The following CNTN5 variants were observed in gnomAD, a reference collection of about 807,000 sequenced individuals.
The protein encoded by CNTN5 is contactin 5.
A neutral mutation model predicts 129.1 loss-of-function variants in CNTN5; 77 were observed. That is an observed-to-expected ratio of 0.60 (90% CI 0.50 to 0.72). The LOEUF is 0.72. Ranked by LOEUF, CNTN5 falls within the 30% of genes least tolerant of loss-of-function variation. CNTN5 has a pLI of 0.00. For synonymous variants in CNTN5, 509 were observed against 465.6 expected, an observed-to-expected ratio of 1.09 and a Z score of -1.20; for missense variants, 1,478 against 1,328.8, an observed-to-expected ratio of 1.11 and a Z score of -1.75.
At chr11:100,283,389 G>A (rs1283048343) in intron 18 of CNTN5, among the ~76,000 whole-genome samples, 1 of 152,116 alleles carries the variant, frequency 6.6e-6, no homozygotes, top group African/African-American at 2.4e-5. Flanking sequence ...TGTGCAGCCT[G>A]GACTTAGGAA....
rs1262695286 is a variant in CNTN5 at position 99,966,226 on chromosome 11, C to T, written c.877+9217C>T. Among the ~76,000 whole-genome samples the T allele has an allele frequency of 3.9e-5, 6 of 152,254 alleles. No homozygotes were observed. The South Asian group carries it at 1.2e-3, about 32-fold the overall frequency. On this transcript the variant is annotated intron_variant, in intron 8 of 24. Transcript: ENST00000524871. Reference sequence around the variant, plus strand: ...GACATATGCAAAGGCAGTATTTTTCCTTTCAAGTAGAAATTGAATTTTACT... The same window carrying T: ...GACATATGCAAAGGCAGTATTTTTCTTTTCAAGTAGAAATTGAATTTTACT...
At chr11:99,669,489 T>C (rs1211430366) in intron 3 of CNTN5, among the ~76,000 whole-genome samples, 3 of 151,806 alleles carry the variant, frequency 2.0e-5, no homozygotes, top group Non-Finnish European at 4.4e-5. Flanking sequence ...TGTATACATA[T>C]ATACACATAT....
intron 3 of CNTN5, among the ~76,000 whole-genome samples, chr11:99,646,757 G>C (rs542102737): frequency 4.3e-4 from 57 of 131,986 alleles, no homozygotes; most frequent in Middle Eastern, 4.3e-3. Context: ...TGTGATAAAA[G>C]ACTGAACAAA....
At chr11:100,333,929 T>C (rs1318962245) in intron 21 of CNTN5, among the ~76,000 whole-genome samples, 1 of 151,948 alleles carries the variant, frequency 6.6e-6, no homozygotes, top group African/African-American at 2.4e-5. Flanking sequence ...CAAAGATAAA[T>C]AGATGGGACT....
intron 1 of CNTN5, among the ~76,000 whole-genome samples, chr11:99,044,828 A>T (rs887814544): frequency 1.3e-5 from 2 of 152,160 alleles, no homozygotes; most frequent in African/African-American, 4.8e-5. Flanking sequence ...CTTATGGGGA[A>T]ATTTTACACG....
In CNTN5 at chr11:100,340,762, T is replaced by C. The variant is rs1471796920; in HGVS notation, c.2917+113T>C. ...AGAGTCAAAGGGGAGTTTTGATTCA[T>C]AGTCTTGCTTCAGTGCTTAGATCTG... On this transcript the variant is annotated intron_variant, in intron 22 of 24. Transcript: ENST00000524871. 4 of 947,536 alleles carry C rather than the reference T, an allele frequency of 4.2e-6. No homozygotes were observed. In the East Asian group the frequency reaches 8.0e-5, roughly 19 times the overall value. 58.7% of individuals were successfully genotyped at this position (947,536 alleles called of 1,614,324 possible). A position where few individuals can be genotyped will look rare whatever the true frequency, so the allele number is the denominator to read the frequency against.
At chr11:99,656,261 T>C (rs1356758995) in intron 3 of CNTN5, among the ~76,000 whole-genome samples, 1 of 152,176 alleles carries the variant, frequency 6.6e-6, no homozygotes, top group Non-Finnish European at 1.5e-5. Flanking sequence ...AATAAGCTTT[T>C]GGCATATTAA....
intron 16 of CNTN5, among the ~76,000 whole-genome samples, chr11:100,253,897 T>C (rs1950018528): frequency 6.6e-6 from 1 of 151,778 alleles, no homozygotes; most frequent in Non-Finnish European, 1.5e-5. Context: ...AATCTGTCAA[T>C]TTTCTCTTGC....
chr11:100,079,812 T>A (rs574362237), intron 13 of CNTN5, among the ~76,000 whole-genome samples: 1 of 152,190 alleles, frequency 6.6e-6, no homozygotes, highest in African/African-American at 2.4e-5. Flanking sequence ...TCCACAGGGA[T>A]TTTCTCCTCT....
In CNTN5 at chr11:99,844,870, C is replaced by T. The variant is rs1166834257; in HGVS notation, c.296C>T (p.Pro99Leu). Residue 99 changes from proline (P) to leucine (L), a missense_variant, in exon 5 of 25, where the codon CCA becomes CTA. Transcript: ENST00000524871. ...FKQDESVDYG[P>L]VFVQEPDDII... ...TTTACAGAAAGTGTGGACTATGGGC[C>T]AGTTTTTGTGCAAGAACCAGATGAT... The T allele has an allele frequency of 6.2e-7, 1 of 1,612,978 alleles. No homozygotes were observed. The highest frequency in any genetic ancestry group is 1.1e-5 in the South Asian group (1 of 90,926).
Position 99,462,241 on chromosome 11 carries a change from T to A in CNTN5, c.-70-93904T>A, listed in dbSNP as rs1369349819. On this transcript the variant is annotated intron_variant, in intron 2 of 24. Transcript: ENST00000524871. ...GACACATTGAAATTAGGGGAATTGA[T>A]AAAAGTTTGTATTTTGTATTTTATT... 1.7e-3 allele frequency among the ~76,000 whole-genome samples: 266 copies of A among 152,182 alleles called. 2 individuals are homozygous for A. The highest frequency in any genetic ancestry group is 1.9e-4 in the Non-Finnish European group (13 of 67,986).
intron 3 of CNTN5, among the ~76,000 whole-genome samples, chr11:99,815,956 G>A (rs755468602): frequency 2.6e-5 from 4 of 151,808 alleles, no homozygotes; most frequent in Non-Finnish European, 5.9e-5. Context: ...CTCCCTCACC[G>A]GGTTAGAGTC....
In CNTN5 at chr11:100,075,622, C is replaced by T. The variant is rs144049833; in HGVS notation, c.1580+1328C>T. Among the ~76,000 whole-genome samples the T allele has an allele frequency of 4.1e-4, 62 of 152,186 alleles. 1 individual carries two copies. Among genetic ancestry groups the T allele is most frequent in the African/African-American group, 1.4e-3 (60 of 41,552 alleles). ...GACTGAGAGGGGAAATCCACCAAGG[C>T]CTATGTGTTCAGATTCTTCTTGGCC... On this transcript the variant is annotated intron_variant, in intron 13 of 24. Coordinates refer to ENST00000524871, the MANE Select transcript of CNTN5 (RefSeq NM_014361.4).
intron 4 of CNTN5, among the ~76,000 whole-genome samples, chr11:99,829,242 T>G (rs543088675): frequency 1.3e-5 from 2 of 152,314 alleles, no homozygotes; most frequent in Non-Finnish European, 2.9e-5. Flanking sequence ...TCTCATAATT[T>G]GCTATACATA....
chr11:100,013,718 T>C (rs2137533479), intron 9 of CNTN5, among the ~76,000 whole-genome samples: 1 of 152,328 alleles, frequency 6.6e-6, no homozygotes, highest in Non-Finnish European at 1.5e-5. Flanking sequence ...CTGAGTATTC[T>C]ACTAGAAATT....
In CNTN5 at chr11:99,101,049, G is replaced by A. The variant is rs375780738; in HGVS notation, c.-210+79779G>A. Among the ~76,000 whole-genome samples, 7 of 152,282 alleles carry A rather than the reference G, an allele frequency of 4.6e-5. No homozygotes were observed. In the East Asian group the frequency reaches 1.4e-3, roughly 29 times the overall value. On this transcript the variant is annotated intron_variant, in intron 1 of 24. Coordinates refer to ENST00000524871, the MANE Select transcript of CNTN5 (RefSeq NM_014361.4). ...TGGACTCACAGCTCCACATGGCTGG[G>A]GAGGACTCACAATGATAGTGGAAGG... is the stretch of plus-strand genomic sequence containing the variant.
intron 2 of CNTN5, among the ~76,000 whole-genome samples, chr11:99,428,631 C>G (rs1205493121): frequency 6.6e-6 from 1 of 150,984 alleles, no homozygotes; most frequent in South Asian, 2.1e-4. Context: ...TGAAAATAAC[C>G]CAGATATTTA....
At chr11:99,334,972 A>T (rs1275272939) in intron 2 of CNTN5, among the ~76,000 whole-genome samples, 1 of 152,176 alleles carries the variant, frequency 6.6e-6, no homozygotes, top group African/African-American at 2.4e-5. Flanking sequence ...AAAGCCAAAT[A>T]GACATGCTTG....
At chr11:99,136,713 C>T (rs1859241181) in intron 1 of CNTN5, among the ~76,000 whole-genome samples, 1 of 152,028 alleles carries the variant, frequency 6.6e-6, no homozygotes, top group East Asian at 1.9e-4. Flanking sequence ...AGGAAATGGC[C>T]ATATATAATA....
Sources: gnomAD v4.1 joint callset for allele counts (sites outside exome capture counted in the v4.1 genomes callset) on GRCh38, gnomAD v4.1.1 for gene constraint, MANE v1.5 for transcripts, NCBI Gene and HGNC (gene_info 2026-07-23, HGNC 2026-07-21) for gene names.